Variants in MRTFA observed in about 807,000 individuals in gnomAD.
MRTFA encodes the protein myocardin-related transcription factor A.
A neutral mutation model predicts 83.5 loss-of-function variants in MRTFA; 20 were observed. The observed-to-expected ratio is 0.24, with a 90% CI of 0.17 to 0.35. The LOEUF (loss-of-function observed/expected upper bound fraction) is 0.35, where lower values mean the gene tolerates loss of function less well. Ranked by LOEUF, MRTFA falls within the 10% of genes least tolerant of loss-of-function variation. The pLI, the probability that MRTFA is intolerant of heterozygous loss-of-function variation, is 1.00. For synonymous variants in MRTFA, 659 were observed against 541.2 expected, an observed-to-expected ratio of 1.22 and a Z score of -3.02; for missense variants, 1,200 against 1,224.7, an observed-to-expected ratio of 0.98 and a Z score of 0.30.
chr22:40,557,416 A>G (rs930470310), intron 2 of MRTFA, among the ~76,000 whole-genome samples: 1 of 152,164 alleles, frequency 6.6e-6, no homozygotes, highest in Non-Finnish European at 1.5e-5. Context: ...TTCTGATACT[A>G]TAACTTGGTG....
chr22:40,548,243 C>CG (rs2055395220), intron 3 of MRTFA, among the ~76,000 whole-genome samples: 1 of 150,878 alleles, frequency 6.6e-6, no homozygotes, highest in Non-Finnish European at 1.5e-5. Flanking sequence ...TCTGTAATCC[C>CG]AGCTACTCAG....
In MRTFA at chr22:40,416,734, G is replaced by A. The variant is rs1219740348; in HGVS notation, c.2578+252C>T. On this transcript the variant is annotated intron_variant, in intron 14 of 14. Coordinates refer to ENST00000355630, the MANE Select transcript of MRTFA (RefSeq NM_020831.6). This position sits in a 1 kb window ranked among gnomAD's most constrained non-coding sequence, Gnocchi z 4.2. ...CCAGGCTGCACTGTGAGCTCCACAA[G>A]GGCAAATGTCTCTTCTGTTCGTTGG... is the stretch of plus-strand genomic sequence containing the variant. Among the ~76,000 whole-genome samples, 1 of 152,234 alleles carries A rather than the reference G, an allele frequency of 6.6e-6. No individual in the cohort carries two copies. Among genetic ancestry groups the A allele is most frequent in the Non-Finnish European group, 1.5e-5 (1 of 68,042 alleles).
At chr22:40,467,229 G>A (rs898677913) in intron 3 of MRTFA, among the ~76,000 whole-genome samples, 1 of 152,090 alleles carries the variant, frequency 6.6e-6, no homozygotes, top group Non-Finnish European at 1.5e-5. Flanking sequence ...GGTATGTGTT[G>A]TTTTATGCAC....
Position 40,468,740 on chromosome 22 carries a change from T to C in MRTFA, c.242-5454A>G, listed in dbSNP as rs541948325. 7.9e-5 allele frequency among the ~76,000 whole-genome samples: 12 copies of C among 152,308 alleles called. No individual in the cohort carries two copies. In the East Asian group the frequency reaches 2.3e-3, roughly 29 times the overall value. On this transcript the variant is annotated intron_variant, in intron 3 of 14. Transcript: ENST00000355630. ...GCTGCATTTGAAAATTAATGAGGTG[T>C]ATATGCTTGAGGAGACCAAAATGCA...
chr22:40,489,295 A>AAAATGACAGC (rs1205195990), intron 3 of MRTFA, among the ~76,000 whole-genome samples: 1 of 152,132 alleles, frequency 6.6e-6, no homozygotes, highest in African/African-American at 2.4e-5. Context: ...TGCAGTTTAC[A>AAAATGACAGC]AAATGACAGC....
intron 2 of MRTFA, among the ~76,000 whole-genome samples, chr22:40,578,356 A>G (rs73169045): frequency 0.039 from 5,991 of 152,306 alleles, 191 homozygotes; most frequent in Non-Finnish European, 0.061. Flanking sequence ...CTCAATCTAA[A>G]ATATAAAAAA....
intron 1 of MRTFA, among the ~76,000 whole-genome samples, chr22:40,614,376 A>T (rs2056424605): frequency 6.6e-6 from 1 of 150,912 alleles, no homozygotes; most frequent in South Asian, 2.1e-4. Flanking sequence ...ACGCCAAAGC[A>T]CTCTAGCCTG....
At chr22:40,524,478 G>A (rs958298954) in intron 3 of MRTFA, among the ~76,000 whole-genome samples, 19 of 152,184 alleles carry the variant, frequency 1.2e-4, no homozygotes, top group Admixed American at 9.8e-4. Flanking sequence ...TACACAGGAA[G>A]GAGCCACAGC....
chr22:40,521,055 C>G (rs2054857981), intron 3 of MRTFA, among the ~76,000 whole-genome samples: 1 of 151,950 alleles, frequency 6.6e-6, no homozygotes, highest in East Asian at 1.9e-4. Flanking sequence ...CATGTATAAA[C>G]TTTTCATTCT....
rs777904504 is a variant in MRTFA, at chr22:40,418,452, G to A, written c.2286C>T (p.Ser762=). 23 of 1,613,896 alleles carry A rather than the reference G, an allele frequency of 1.4e-5. No homozygotes were observed. Among genetic ancestry groups the A allele is most frequent in the Non-Finnish European group, 1.8e-5 (21 of 1,179,944 alleles). Residue 762 remains serine, a synonymous_variant, in exon 12 of 15, where the codon TCC becomes TCT. Transcript: ENST00000355630. ...CGGTGAGGACAAGGTGGGTCCCTGT[G>A]GAGTCGGTGATGAGGGTGGGAGGTG...
chr22:40,422,506 G>C lies in MRTFA; in HGVS notation c.927+1030C>G, dbSNP rs947474140. ...GTGCAGGACAGGCACTAACTGATGA[G>C]GCAGCACCCGGGCAGGCAGTGCTGA... On this transcript the variant is annotated intron_variant, in intron 9 of 14. Transcript: ENST00000355630. Among the ~76,000 whole-genome samples, 4 of 152,246 alleles carry C rather than the reference G, an allele frequency of 2.6e-5. No individual in the cohort carries two copies. In the East Asian group the frequency reaches 7.7e-4, roughly 29 times the overall value.
chr22:40,451,683 T>C lies in MRTFA; in HGVS notation c.307+11538A>G, dbSNP rs139566379. Among the ~76,000 whole-genome samples the C allele has an allele frequency of 1.9e-4, 29 of 152,266 alleles. No homozygotes were observed. In the East Asian group the frequency reaches 3.7e-3, roughly 19 times the overall value. On this transcript the variant is annotated intron_variant, in intron 4 of 14. Transcript: ENST00000355630. ...CACAGGGAATTCCAAAAGGTTAACA[T>C]ACCAGTGGTCAAATATTTTGAATCT... is the stretch of plus-strand genomic sequence containing the variant.
intron 4 of MRTFA, among the ~76,000 whole-genome samples, chr22:40,460,817 T>C (rs559878470): frequency 1.2e-4 from 18 of 152,238 alleles, no homozygotes; most frequent in African/African-American, 4.3e-4. Context: ...GAAGACAGCA[T>C]AATGTAGGTA....
intron 2 of MRTFA, among the ~76,000 whole-genome samples, chr22:40,581,340 T>C (rs1467281070): frequency 6.6e-6 from 1 of 152,208 alleles, no homozygotes; most frequent in African/African-American, 2.4e-5. Context: ...TCACCATTTA[T>C]GCAAAATACA....
intron 1 of MRTFA, among the ~76,000 whole-genome samples, chr22:40,629,742 C>T (rs1190702151): frequency 7.0e-6 from 1 of 143,320 alleles, no homozygotes; most frequent in Non-Finnish European, 1.5e-5. Flanking sequence ...CGCCACTGCA[C>T]TCCAGCCTGG....
intron 3 of MRTFA, among the ~76,000 whole-genome samples, chr22:40,474,678 T>G (rs1270940540): frequency 1.2e-4 from 19 of 152,128 alleles, no homozygotes; most frequent in Admixed American, 1.2e-3. Context: ...GGGGATACAG[T>G]AGTGACTGAA....
intron 1 of MRTFA, among the ~76,000 whole-genome samples, chr22:40,618,775 C>A (rs761949289): frequency 1.3e-5 from 2 of 151,936 alleles, no homozygotes; most frequent in Non-Finnish European, 2.9e-5. Flanking sequence ...ACCAGCCTGG[C>A]TAACACAGCG....
At chr22:40,492,138 C>T (rs902871092) in intron 3 of MRTFA, among the ~76,000 whole-genome samples, 1 of 152,134 alleles carries the variant, frequency 6.6e-6, no homozygotes, top group Non-Finnish European at 1.5e-5. Context: ...AGATTCGAGT[C>T]TCCACAGGCC....
At chr22:40,431,021 T>TA (rs886376885) in intron 6 of MRTFA, among the ~76,000 whole-genome samples, 6 of 152,196 alleles carry the variant, frequency 3.9e-5, no homozygotes, top group East Asian at 3.9e-4. Context: ...TGAATGAATA[T>TA]AAAAAACTAA....
Sources: gnomAD v4.1 joint callset for allele counts (sites outside exome capture counted in the v4.1 genomes callset) on GRCh38, gnomAD v4.1.1 for gene constraint, Gnocchi (gnomAD v3.1) non-coding constraint, MANE v1.5 for transcripts, NCBI Gene and HGNC (gene_info 2026-07-23, HGNC 2026-07-21) for gene names.